HEXB: variants seen among roughly 807,000 people sequenced by gnomAD.
HEXB encodes the protein hexosaminidase subunit beta, also known as beta-hexosaminidase subunit beta.
Under a neutral mutation model 71.2 loss-of-function variants are expected in HEXB, and 51 were observed. The observed-to-expected ratio is 0.72, with a 90% CI of 0.57 to 0.90. The LOEUF (loss-of-function observed/expected upper bound fraction) is 0.90, where lower values mean the gene tolerates loss of function less well. Among genes scored for constraint, HEXB ranks in the 40% least tolerant of loss-of-function variants. The pLI, the probability that HEXB is intolerant of heterozygous loss-of-function variation, is 0.00. For synonymous variants in HEXB, 266 were observed against 249.3 expected, an observed-to-expected ratio of 1.07 and a Z score of -0.63; for missense variants, 617 against 677.0, an observed-to-expected ratio of 0.91 and a Z score of 0.98.
rs994808432 is a variant in HEXB at position 74,685,269 on chromosome 5, G to T, written c.9G>T (p.Leu3=). 2.6e-6 allele frequency: 4 copies of T among 1,534,904 alleles called. No homozygotes were observed. The highest frequency in any genetic ancestry group is 3.5e-6 in the Non-Finnish European group (4 of 1,146,816). Reference sequence around the variant, plus strand: ...AAAGCAGCCGAGCGGCCATGGAGCTGTGCGGGCTGGGGCTGCCCCGGCCGC... The same window carrying T: ...AAAGCAGCCGAGCGGCCATGGAGCTTTGCGGGCTGGGGCTGCCCCGGCCGC... ME[L]CGLGLPRPPM... is the part of the protein sequence containing the mutation. Residue 3 remains leucine, a synonymous_variant, in exon 1 of 14, where the codon CTG becomes CTT. Transcript: ENST00000261416.
At position 74,721,129 on chromosome 5, in the gene HEXB, C is replaced by T. The variant is rs767663018; in HGVS notation, c.1625C>T (p.Ala542Val). The T allele has an allele frequency of 9.3e-6, 15 of 1,612,102 alleles. No individual in the cohort carries two copies. The South Asian group carries it at 1.3e-4, about 14-fold the overall frequency. Residue 542 changes from alanine (A) to valine (V), a missense_variant, in exon 14 of 14, where the codon GCT becomes GTT. Coordinates refer to ENST00000261416, the MANE Select transcript of HEXB (RefSeq NM_000521.4). ...HRCRMVERGI[A>V]AQPLYAGYCN... ...CATGTTATCTACAGACGTGGAATAG[C>T]TGCACAACCTCTTTATGCTGGATAT...
Position 74,670,381 on chromosome 5 carries a change from C to G in HEXB, c.-376-18947C>G, listed in dbSNP as rs529628074. Among the ~76,000 whole-genome samples the G allele has an allele frequency of 2.6e-5, 4 of 152,242 alleles. No homozygotes were observed. The South Asian group carries it at 8.3e-4, about 32-fold the overall frequency. On this transcript the variant is annotated intron_variant, in intron 1 of 13. Coordinates refer to the HEXB transcript ENST00000511181. ...CCTCACGTCCCCTCTCTGCTGAGAGCTATTTTATTGCTCAATAAAATTATT... is the reference window on the plus strand; with the variant it reads ...CCTCACGTCCCCTCTCTGCTGAGAGGTATTTTATTGCTCAATAAAATTATT...
At chr5:74,678,921 A>G (rs896163164) in intron 1 of HEXB, among the ~76,000 whole-genome samples, 29 of 152,362 alleles carry the variant, frequency 1.9e-4, no homozygotes, top group African/African-American at 7.0e-4. Flanking sequence ...ATTTTATTCA[A>G]TTTCACAAGT....
chr5:74,677,212 A>T (rs1411173015), intron 1 of HEXB, among the ~76,000 whole-genome samples: 1 of 152,122 alleles, frequency 6.6e-6, no homozygotes, highest in Non-Finnish European at 1.5e-5. Context: ...AATTCCAGAA[A>T]CATGAAGATA....
At chr5:74,664,493 C>T (rs1748399136) in intron 1 of HEXB, among the ~76,000 whole-genome samples, 1 of 145,258 alleles carries the variant, frequency 6.9e-6, no homozygotes, top group South Asian at 2.2e-4. Flanking sequence ...CGCTGTTAAC[C>T]ATTTAAAAAA....
intron 6 of HEXB, among the ~76,000 whole-genome samples, chr5:74,710,390 C>T (rs1300289010): frequency 6.6e-6 from 1 of 152,166 alleles, no homozygotes; most frequent in African/African-American, 2.4e-5. Context: ...GACAGGGATG[C>T]CCCCTCTCAC....
chr5:74,654,066 A>G (rs1748172595), intron 1 of HEXB, among the ~76,000 whole-genome samples: 1 of 152,072 alleles, frequency 6.6e-6, no homozygotes, highest in African/African-American at 2.4e-5. Context: ...CATCCTGGTG[A>G]AGCTGCCCTC....
At chr5:74,702,858 T>C (rs1169901129) in intron 5 of HEXB, among the ~76,000 whole-genome samples, 1 of 152,248 alleles carries the variant, frequency 6.6e-6, no homozygotes, top group African/African-American at 2.4e-5. Context: ...GGTAGAGCAA[T>C]CCCTTCTCTT....
Position 74,685,382 on chromosome 5 carries a change from A to G in HEXB, c.122A>G (p.Glu41Gly). ...GTGGCGCTGGTGGTGCAGGTGGCGG[A>G]GGCGGCTCGGGCCCCGAGCGTCTCG... The part of the protein sequence containing the change: ...TQVALVVQVA[E>G]AARAPSVSAK... The change falls in exon 1 of 14, where the codon GAG (glutamate) becomes GGG (glycine). Residue 41 changes from glutamate to glycine, a missense_variant. By Grantham distance (98) the Glu-to-Gly change is moderately conservative (BLOSUM62 -2). Transcript: ENST00000261416. The G allele has an allele frequency of 6.3e-7, 1 of 1,590,986 alleles. No individual in the cohort carries two copies. Among genetic ancestry groups the G allele is most frequent in the Non-Finnish European group, 8.5e-7 (1 of 1,170,976 alleles).
At chr5:74,647,753 A>T in intron 1 of HEXB, among the ~76,000 whole-genome samples, 1 of 152,234 alleles carries the variant, frequency 6.6e-6, no homozygotes, top group Non-Finnish European at 1.5e-5. Context: ...ACTTTTTAAA[A>T]GTATGTATAT....
At chr5:74,715,744 C>A in intron 8 of HEXB, 54 bp downstream of exon 8, 1 of 1,249,646 alleles carries the variant, frequency 8.0e-7, no homozygotes, top group Non-Finnish European at 1.2e-6. Context: ...AGGCTGGGTG[C>A]GGTGGCTCAC....
In HEXB at chr5:74,685,416, G is replaced by A. The variant is rs758965664; in HGVS notation, c.156G>A (p.Pro52=). 1.2e-6 allele frequency: 2 copies of A among 1,600,132 alleles called. No homozygotes were observed. Among genetic ancestry groups the A allele is most frequent in the Admixed American group, 1.7e-5 (1 of 58,364 alleles). ...GGGCCCCGAGCGTCTCGGCCAAGCC[G>A]GGGCCGGCGCTGTGGCCCCTGCCGC... is the stretch of plus-strand genomic sequence containing the variant. The part of the protein sequence containing the change: ...AARAPSVSAK[P]GPALWPLPLL... Residue 52 remains proline (P), a synonymous_variant, in exon 1 of 14, where the codon CCG becomes CCA. Coordinates refer to ENST00000261416, the MANE Select transcript of HEXB (RefSeq NM_000521.4).
intron 1 of HEXB, among the ~76,000 whole-genome samples, chr5:74,667,624 A>G (rs751072625): frequency 8.5e-5 from 13 of 152,208 alleles, no homozygotes; most frequent in Admixed American, 2.6e-4. Flanking sequence ...GTGAATGTCC[A>G]GAAGTCAAGT....
chr5:74,644,814 C>G (rs1222538434), intron 1 of HEXB, among the ~76,000 whole-genome samples: 5 of 135,760 alleles, frequency 3.7e-5, no homozygotes, highest in African/African-American at 1.4e-4. Flanking sequence ...CTCTGTTGCC[C>G]AGGCTGGAGT....
chr5:74,688,888 TTAGTG>T (rs1181446751), intron 1 of HEXB, among the ~76,000 whole-genome samples: 2 of 152,190 alleles, frequency 1.3e-5, no homozygotes, highest in Admixed American at 6.5e-5. Flanking sequence ...TCTGTCCACT[TTAGTG>T]TAGTGGCAAC....
At chr5:74,714,966 C>G (rs1278262278) in intron 7 of HEXB, among the ~76,000 whole-genome samples, 2 of 152,028 alleles carry the variant, frequency 1.3e-5, no homozygotes, top group Non-Finnish European at 2.9e-5. Flanking sequence ...AGTTCTGGAC[C>G]AGGAGGGTGA....
chr5:74,664,259 A>AC (rs1339774668), intron 1 of HEXB, among the ~76,000 whole-genome samples: 2 of 150,936 alleles, frequency 1.3e-5, no homozygotes, highest in Non-Finnish European at 3.0e-5. Context: ...TCCATCTCAA[A>AC]AAAAAAAAAA....
intron 1 of HEXB, among the ~76,000 whole-genome samples, chr5:74,646,725 G>GCGC (rs1374924927): frequency 4.0e-5 from 6 of 151,880 alleles, no homozygotes; most frequent in Non-Finnish European, 8.8e-5. Context: ...CTGCCACCGC[G>GCGC]CCCAGCTAAT....
At chr5:74,703,801 GACTACCGGC>G (rs901727361) in intron 5 of HEXB, among the ~76,000 whole-genome samples, 26 of 152,100 alleles carry the variant, frequency 1.7e-4, no homozygotes, top group Non-Finnish European at 2.9e-4. Context: ...GAATGGATGG[GACTACCGGC>G]ACTACCGGCA....
Sources: gnomAD v4.1 joint callset for allele counts (sites outside exome capture counted in the v4.1 genomes callset) on GRCh38, gnomAD v4.1.1 for gene constraint, MANE v1.5 for transcripts, NCBI Gene and HGNC (gene_info 2026-07-23, HGNC 2026-07-21) for gene names.